SLC16A12: variants seen among roughly 807,000 people sequenced by gnomAD.
The protein encoded by SLC16A12 is solute carrier family 16 member 12.
A neutral mutation model predicts 42.4 loss-of-function variants in SLC16A12; 17 were observed. The observed-to-expected ratio is 0.40, with a 90% CI of 0.27 to 0.60. The LOEUF (loss-of-function observed/expected upper bound fraction) is 0.60. Ranked by LOEUF, SLC16A12 falls within the 20% of genes least tolerant of loss-of-function variation. SLC16A12 has a pLI of 0.42. For synonymous variants in SLC16A12, 224 were observed against 229.4 expected (o/e 0.98, Z 0.21); for missense variants, 544 against 623.0 (o/e 0.87, Z 1.35).
rs146415721 is a variant in SLC16A12, at chr10:89,431,624, C to G, written c.*1440G>C. 1.3e-5 allele frequency: 2 copies of G among 152,166 alleles called. No individual in the cohort carries two copies. The highest frequency in any genetic ancestry group is 1.9e-4 in the East Asian group (1 of 5,192). 9.4% of individuals were successfully genotyped at this position (152,166 alleles called of 1,614,324 possible). A position where few individuals can be genotyped will look rare whatever the true frequency, so the allele number is the denominator to read the frequency against. On this transcript the variant is annotated 3_prime_UTR_variant, in exon 8 of 8. Transcript: ENST00000371790. ...GATTAAATAGCCTTCAGGGTCAAAACAGTTCCTTGACATTTGGATTTTAAA... is the reference window on the plus strand; with the variant it reads ...GATTAAATAGCCTTCAGGGTCAAAAGAGTTCCTTGACATTTGGATTTTAAA...
At chr10:89,492,442 A>G (rs1317692924) in intron 2 of SLC16A12, among the ~76,000 whole-genome samples, 1 of 152,106 alleles carries the variant, frequency 6.6e-6, no homozygotes, top group Non-Finnish European at 1.5e-5. Context: ...AAAAATAGCT[A>G]TAAGTAGCTG....
intron 2 of SLC16A12, among the ~76,000 whole-genome samples, chr10:89,463,753 C>A (rs1842343119): frequency 6.6e-6 from 1 of 152,164 alleles, no homozygotes; most frequent in Non-Finnish European, 1.5e-5. Context: ...TATCTGCATT[C>A]ATTCATTCAT....
intron 2 of SLC16A12, among the ~76,000 whole-genome samples, chr10:89,500,660 T>G (rs1214335758): frequency 2.0e-5 from 3 of 152,040 alleles, no homozygotes; most frequent in African/African-American, 7.2e-5. Flanking sequence ...TGTAATAAAA[T>G]CCATCTATGA....
chr10:89,515,007 G>T (rs367961788), intron 2 of SLC16A12, among the ~76,000 whole-genome samples: 3 of 152,032 alleles, frequency 2.0e-5, no homozygotes, highest in East Asian at 3.9e-4. Context: ...CAGGAGAATT[G>T]CTTGAACCCA....
intron 2 of SLC16A12, among the ~76,000 whole-genome samples, chr10:89,481,660 T>TGAGA (rs1425435931): frequency 2.1e-5 from 3 of 141,168 alleles, no homozygotes; most frequent in African/African-American, 5.3e-5. Flanking sequence ...TGTGTGTGTG[T>TGAGA]GTGTGAGAGA....
intron 2 of SLC16A12, among the ~76,000 whole-genome samples, chr10:89,491,523 A>T (rs201919569): frequency 3.1e-4 from 46 of 147,884 alleles, no homozygotes; most frequent in East Asian, 1.4e-3. Context: ...TTTTTTTTTT[A>T]AATTAATTCC....
rs1314957165 is a variant in SLC16A12, at chr10:89,446,037, T to C, written c.201-2178A>G. Among the ~76,000 whole-genome samples, 4 of 151,836 alleles carry C rather than the reference T, an allele frequency of 2.6e-5. No homozygotes were observed. In the East Asian group the frequency reaches 7.7e-4, roughly 29 times the overall value. ...TGAAGATCAAATTAATGAAATGAAA[T>C]GAGAAGAGAAGTTTAGAGAAAAAAG... On this transcript the variant is annotated intron_variant, in intron 3 of 7. Coordinates refer to ENST00000371790, the MANE Select transcript of SLC16A12 (RefSeq NM_213606.4).
chr10:89,446,443 G>A (rs1842003094), intron 3 of SLC16A12, among the ~76,000 whole-genome samples: 1 of 152,106 alleles, frequency 6.6e-6, no homozygotes, highest in African/African-American at 2.4e-5. Flanking sequence ...AGAGAGTGGG[G>A]GCCAATATTC....
intron 3 of SLC16A12, among the ~76,000 whole-genome samples, chr10:89,450,878 A>C (rs2133714684): frequency 6.6e-6 from 1 of 152,328 alleles, no homozygotes; most frequent in Admixed American, 6.5e-5. Flanking sequence ...CTTTACAATA[A>C]ACATGATTTC....
intron 2 of SLC16A12, among the ~76,000 whole-genome samples, chr10:89,520,173 C>T (rs1178721429): frequency 4.6e-5 from 7 of 151,988 alleles, no homozygotes; most frequent in African/African-American, 1.7e-4. Flanking sequence ...ACAAGTATAT[C>T]ATTGTCACCA....
chr10:89,443,842 A>C lies in SLC16A12; in HGVS notation c.218T>G (p.Phe73Cys). The C allele has an allele frequency of 6.2e-7, 1 of 1,611,782 alleles. No homozygotes were observed. Among genetic ancestry groups the C allele is most frequent in the Non-Finnish European group, 8.5e-7 (1 of 1,177,840 alleles). Reference protein sequence around the residue: ...RAVTRCISIFFVEFQTYFTQD... With the variant: ...RAVTRCISIFCVEFQTYFTQD... Reference sequence around the variant, plus strand: ...AGTGAAGTATGTCTGGAACTCCACAAAAAAAATTGAGATACATCTGAAAAA... The same window carrying C: ...AGTGAAGTATGTCTGGAACTCCACACAAAAAATTGAGATACATCTGAAAAA... Residue 73 changes from phenylalanine to cysteine, a missense_variant, in exon 4 of 8, where the codon TTT becomes TGT. Physicochemically the swap from Phe to Cys is radical, Grantham distance 205. Coordinates refer to ENST00000371790, the MANE Select transcript of SLC16A12 (RefSeq NM_213606.4).
Position 89,430,947 on chromosome 10 carries a change from C to T in SLC16A12, c.*2117G>A, listed in dbSNP as rs1841684773. On this transcript the variant is annotated 3_prime_UTR_variant, in exon 8 of 8. Transcript: ENST00000371790. ...AAGAAATGATATTTAGGGCAAAGTG[C>T]TATTCCAAACAGATATAACTTCATC... 3 of 326,846 alleles carry T rather than the reference C, an allele frequency of 9.2e-6. No individual in the cohort carries two copies. Among genetic ancestry groups the T allele is most frequent in the South Asian group, 2.5e-5 (1 of 39,370 alleles). The allele number at this position is 326,846 out of a possible 1,614,324, so 20.2% of individuals were successfully genotyped here.
chr10:89,457,017 C>A (rs1251869337), intron 3 of SLC16A12, among the ~76,000 whole-genome samples: 2 of 152,100 alleles, frequency 1.3e-5, no homozygotes, highest in African/African-American at 2.4e-5. Flanking sequence ...ACTGAACATA[C>A]GTGTGCATAT....
At chr10:89,487,563 G>T (rs368181294) in intron 2 of SLC16A12, among the ~76,000 whole-genome samples, 41 of 151,570 alleles carry the variant, frequency 2.7e-4, no homozygotes, top group African/African-American at 8.5e-4. Context: ...CACTTTGGAA[G>T]TCCGAGGCTG....
Position 89,432,811 on chromosome 10 carries a change from A to G in SLC16A12, c.*253T>C. On this transcript the variant is annotated 3_prime_UTR_variant, in exon 8 of 8. Coordinates refer to ENST00000371790, the MANE Select transcript of SLC16A12 (RefSeq NM_213606.4). ...TCAGCTGTGTCCTTACATTTCTTAC[A>G]GAGCTATGCCCATTGACCAAAAGAT... 1 of 446,224 alleles carries G rather than the reference A, an allele frequency of 2.2e-6. No individual in the cohort carries two copies. Among genetic ancestry groups the G allele is most frequent in the South Asian group, 2.6e-5 (1 of 38,260 alleles). 27.6% of individuals were successfully genotyped at this position (446,224 alleles called of 1,614,324 possible).
intron 2 of SLC16A12, among the ~76,000 whole-genome samples, chr10:89,508,649 A>G (rs1843110027): frequency 6.6e-6 from 1 of 152,232 alleles, no homozygotes; most frequent in South Asian, 2.1e-4. Flanking sequence ...TCGACACCCT[A>G]ACATCACAAT....
intron 2 of SLC16A12, among the ~76,000 whole-genome samples, chr10:89,482,626 C>CA (rs887632376): frequency 5.8e-4 from 88 of 150,496 alleles, no homozygotes; most frequent in Non-Finnish European, 8.0e-4. Context: ...ACAAAAAATA[C>CA]AAAAAAAAAT....
intron 2 of SLC16A12, among the ~76,000 whole-genome samples, chr10:89,527,781 G>T (rs1050206468): frequency 6.6e-6 from 1 of 151,568 alleles, no homozygotes; most frequent in Non-Finnish European, 1.5e-5. Context: ...TCCAGCCTGG[G>T]TGACAGTGAG....
chr10:89,458,373 T>C (rs1196508294), intron 3 of SLC16A12, among the ~76,000 whole-genome samples: 1 of 152,218 alleles, frequency 6.6e-6, no homozygotes, highest in Non-Finnish European at 1.5e-5. Flanking sequence ...GAATTTGACC[T>C]TTGGGTCTAT....
Sources: allele counts gnomAD v4.1 joint callset (sites outside exome capture counted in the v4.1 genomes callset), GRCh38; gene constraint gnomAD v4.1.1; transcripts MANE v1.5; gene names NCBI Gene and HGNC (gene_info 2026-07-23, HGNC 2026-07-21).